UNC13C: variants seen among roughly 807,000 people sequenced by gnomAD.
UNC13C encodes protein unc-13 homolog C.
Under a neutral mutation model 245.4 loss-of-function variants are expected in UNC13C, and 174 were observed. The ratio of observed to expected loss-of-function variants is 0.71; its 90% CI spans 0.63 to 0.80. UNC13C has a LOEUF of 0.80. Ranked by LOEUF, UNC13C falls within the 30% of genes least tolerant of loss-of-function variation. The pLI, the probability that UNC13C is intolerant of heterozygous loss-of-function variation, is 0.00. For missense variants in UNC13C, 2,829 were observed against 2,602.9 expected (o/e 1.09, Z -1.89); for synonymous variants, 992 against 895.1 (o/e 1.11, Z -1.93).
intron 19 of UNC13C, among the ~76,000 whole-genome samples, chr15:54,425,754 G>A (rs1398324717): frequency 6.6e-6 from 1 of 151,822 alleles, no homozygotes; most frequent in Non-Finnish European, 1.5e-5. Context: ...GTGTTTATTA[G>A]TCATCTATGC....
chr15:54,259,970 T>C (rs1404389955), intron 8 of UNC13C, among the ~76,000 whole-genome samples: 1 of 152,162 alleles, frequency 6.6e-6, no homozygotes, highest in African/African-American at 2.4e-5. Flanking sequence ...GGCAGGAGTT[T>C]GCAAGAATTT....
chr15:54,342,661 G>A (rs1476159348), intron 17 of UNC13C, among the ~76,000 whole-genome samples: 1 of 152,056 alleles, frequency 6.6e-6, no homozygotes, highest in East Asian at 1.9e-4. Flanking sequence ...GAAACATTCT[G>A]TTTACTTGGG....
chr15:54,031,368 C>T (rs111251820), intron 2 of UNC13C, among the ~76,000 whole-genome samples: 7,430 of 152,266 alleles, frequency 0.049, 240 homozygotes, highest in Non-Finnish European at 0.069. Flanking sequence ...GGACTACAGG[C>T]AGCCGCCACC....
intron 10 of UNC13C, among the ~76,000 whole-genome samples, chr15:54,275,082 G>A (rs1006581446): frequency 1.3e-5 from 2 of 152,104 alleles, no homozygotes; most frequent in African/African-American, 4.8e-5. Context: ...ACTTAAATAT[G>A]CCAATGATCA....
intron 2 of UNC13C, among the ~76,000 whole-genome samples, chr15:54,025,643 G>T (rs17552158): frequency 5.9e-5 from 9 of 152,114 alleles, no homozygotes; most frequent in Admixed American, 2.0e-4. Flanking sequence ...ATTAAGTGTC[G>T]GTGTTCAACT....
intron 2 of UNC13C, among the ~76,000 whole-genome samples, chr15:54,041,906 A>C (rs180979774): frequency 6.6e-6 from 1 of 152,202 alleles, no homozygotes; most frequent in Non-Finnish European, 1.5e-5. Flanking sequence ...TAGTGCCGTC[A>C]GTGATGAAGA....
chr15:54,332,093 TG>T lies in UNC13C; in HGVS notation c.4477del (p.Asp1493IlefsTer20). On this transcript the variant is annotated frameshift_variant, in exon 15 of 33. Coordinates refer to ENST00000260323, the MANE Select transcript of UNC13C (RefSeq NM_001080534.3). LOFTEE classifies it high-confidence loss of function. ...ACCAGTTACATAACTCTTTGAGGAT[TG>T]ATCTGTCAAAGTATAGGGTATGTAC... ...LDQLHNSLRI[D>X]LSKYRENFPA... The T allele has an allele frequency of 6.3e-7, 1 of 1,578,966 alleles. No individual in the cohort carries two copies. Among genetic ancestry groups the T allele is most frequent in the Non-Finnish European group, 8.6e-7 (1 of 1,160,528 alleles).
intron 18 of UNC13C, among the ~76,000 whole-genome samples, chr15:54,411,678 TTGAA>T (rs2040419496): frequency 6.6e-6 from 1 of 152,178 alleles, no homozygotes; most frequent in Non-Finnish European, 1.5e-5. Flanking sequence ...TGTCTTGTAG[TTGAA>T]GACATTCTGT....
intron 19 of UNC13C, among the ~76,000 whole-genome samples, chr15:54,474,630 A>G (rs934309653): frequency 7.2e-5 from 11 of 151,882 alleles, no homozygotes; most frequent in Non-Finnish European, 1.5e-4. Flanking sequence ...CTCCCATTCT[A>G]TAGGTTATCT....
At chr15:54,496,444 TGGGTATCTACCCAAA>T (rs1893951587) in intron 20 of UNC13C, among the ~76,000 whole-genome samples, 1 of 152,122 alleles carries the variant, frequency 6.6e-6, no homozygotes, top group South Asian at 2.1e-4. Flanking sequence ...ATCCCACTTC[TGGGTATCTACCCAAA>T]GGAAAAGAAG....
At chr15:54,554,005 T>TC in intron 28 of UNC13C, among the ~76,000 whole-genome samples, 1 of 152,064 alleles carries the variant, frequency 6.6e-6, no homozygotes, top group East Asian at 1.9e-4. Flanking sequence ...TAACTTGAAA[T>TC]CCCCGTATCA....
At position 54,300,267 on chromosome 15, in the gene UNC13C, G is replaced by A. The variant is rs1419577681; in HGVS notation, c.4162G>A (p.Val1388Ile). The change falls in exon 13 of 33, where the codon GTC (valine) becomes ATC (isoleucine). Residue 1388 changes from valine (V) to isoleucine (I), a missense_variant. Physicochemically the swap from Val to Ile is conservative, Grantham distance 29 (BLOSUM62 3). Transcript: ENST00000260323. ...KSNGGVKIPE[V>I]KGDEAWKVFF... ...TAATGGTGGAGTGAAAATCCCAGAA[G>A]TCAAAGGGGATGAAGCCTGGAAGGT... 3.1e-6 allele frequency: 5 copies of A among 1,598,172 alleles called. No homozygotes were observed. The highest frequency in any genetic ancestry group is 3.4e-6 in the Non-Finnish European group (4 of 1,171,632).
At chr15:54,140,464 C>A (rs1323015421) in intron 2 of UNC13C, among the ~76,000 whole-genome samples, 1 of 152,056 alleles carries the variant, frequency 6.6e-6, no homozygotes, top group Non-Finnish European at 1.5e-5. Context: ...GAAAGGATTG[C>A]AGATAAGGAA....
intron 19 of UNC13C, among the ~76,000 whole-genome samples, chr15:54,483,027 CATT>C (rs2141067116): frequency 6.6e-6 from 1 of 152,242 alleles, no homozygotes; most frequent in Admixed American, 6.5e-5. Flanking sequence ...TAGCTTTTAA[CATT>C]ATCCAATTTA....
chr15:54,527,361 T>G (rs1895516618), intron 25 of UNC13C, among the ~76,000 whole-genome samples: 2 of 152,062 alleles, frequency 1.3e-5, no homozygotes, highest in Non-Finnish European at 2.9e-5. Context: ...GAGGCAACAT[T>G]AGAGACTATT....
chr15:54,367,779 A>T (rs568579231), intron 17 of UNC13C, among the ~76,000 whole-genome samples: 1 of 152,192 alleles, frequency 6.6e-6, no homozygotes, highest in South Asian at 2.1e-4. Context: ...ATTGTCTGTG[A>T]TGGTAGATAT....
the UNC13C span, among the ~76,000 whole-genome samples, chr15:53,865,415 T>C: frequency 1.3e-5 from 2 of 152,224 alleles, no homozygotes; most frequent in Non-Finnish European, 2.9e-5. Context: ...GGCTTGCAGA[T>C]GGCTGCCTTC....
chr15:54,278,150 T>C (rs4776221), intron 10 of UNC13C, among the ~76,000 whole-genome samples: 22,533 of 152,086 alleles, frequency 0.15, 1,800 homozygotes, highest in African/African-American at 0.19. Context: ...TTTTGCCTAG[T>C]TTTTGCTGTG....
At chr15:54,598,077 G>T (rs1248708295) in intron 30 of UNC13C, among the ~76,000 whole-genome samples, 1 of 152,160 alleles carries the variant, frequency 6.6e-6, no homozygotes, top group Non-Finnish European at 1.5e-5. Flanking sequence ...CTCCTACAAT[G>T]AGTGAAAGAT....
Sources: allele counts gnomAD v4.1 joint callset (sites outside exome capture counted in the v4.1 genomes callset), GRCh38; gene constraint gnomAD v4.1.1; transcripts MANE v1.5; gene names NCBI Gene and HGNC (gene_info 2026-07-23, HGNC 2026-07-21).